Variants in GTF2I observed in about 807,000 individuals in gnomAD.
GTF2I encodes general transcription factor IIi.
In GTF2I, 12 loss-of-function variants were observed where a neutral mutation model predicts 67.6. The observed-to-expected ratio is 0.18, with a 90% CI of 0.11 to 0.29. The LOEUF is 0.29. Among genes scored for constraint, GTF2I ranks in the 10% least tolerant of loss-of-function variants. The pLI, the probability that GTF2I is intolerant of heterozygous loss-of-function variation, is 1.00. For missense variants in GTF2I, 271 were observed against 580.1 expected (o/e 0.47, Z 5.47); for synonymous variants, 149 against 197.0 (o/e 0.76, Z 2.04).
intron 9 of GTF2I, among the ~76,000 whole-genome samples, chr7:74,713,398 G>A (rs1373419123): frequency 2.0e-5 from 3 of 151,810 alleles, no homozygotes; most frequent in East Asian, 1.9e-4. Context: ...AATGATATAC[G>A]TCTAGCTGAT....
At chr7:74,660,613 TTTC>T (rs1804392227) in intron 1 of GTF2I, among the ~76,000 whole-genome samples, 1 of 124,406 alleles carries the variant, frequency 8.0e-6, no homozygotes, top group Non-Finnish European at 1.7e-5. Context: ...TCCTTTTTCT[TTTC>T]TTTTCTTTTT....
chr7:74,729,265 G>T (rs1794215793), intron 13 of GTF2I, among the ~76,000 whole-genome samples: 1 of 53,960 alleles, frequency 1.9e-5, no homozygotes, highest in Admixed American at 2.2e-4. Context: ...GCTAATCTGT[G>T]AGCTCTCAAT....
chr7:74,708,920 C>T (rs1453686908), intron 8 of GTF2I, among the ~76,000 whole-genome samples: 3 of 152,362 alleles, frequency 2.0e-5, no homozygotes, highest in Admixed American at 6.5e-5. Context: ...TTTTTACTCT[C>T]TCCTCAAAAT....
At chr7:74,669,224 G>GTTTTTTTTTTTTTTTTTTTTTTT (rs34714148) in intron 1 of GTF2I, among the ~76,000 whole-genome samples, 2 of 75,452 alleles carry the variant, frequency 2.7e-5, no homozygotes, top group African/African-American at 5.7e-5. Flanking sequence ...GACTAGTTTA[G>GTTTTTTTTTTTTTTTTTTTTTTT]TTTTTTTTTT....
chr7:74,662,511 CTTTTTTTTT>C (rs1161320476), intron 1 of GTF2I, among the ~76,000 whole-genome samples: 20 of 50,220 alleles, frequency 4.0e-4, no homozygotes, highest in East Asian at 1.5e-3. Context: ...CACCTGGACC[CTTTTTTTTT>C]TTTTTTTTTT....
intron 6 of GTF2I, 82 bp downstream of exon 6, chr7:74,700,716 A>G (rs1175978649): frequency 7.8e-7 from 1 of 1,286,222 alleles, no homozygotes; most frequent in African/African-American, 1.5e-5. Context: ...TTTCTGTTTT[A>G]TTGTCTTTGA....
At chr7:74,666,649 T>C (rs1473725683) in intron 1 of GTF2I, among the ~76,000 whole-genome samples, 1 of 151,820 alleles carries the variant, frequency 6.6e-6, no homozygotes, top group Admixed American at 6.6e-5. Flanking sequence ...CTGGCCAACA[T>C]GGTGAAACCC....
rs587654498 is a variant in GTF2I at position 74,700,176 on chromosome 7, A to G, written c.374-71A>G. 35 of 1,515,496 alleles carry G rather than the reference A, an allele frequency of 2.3e-5. 1 individual carries two copies. Among genetic ancestry groups the G allele is most frequent in the South Asian group, 2.0e-4 (17 of 86,012 alleles). The allele number at this position is 1,515,496 out of a possible 1,614,324, so 93.9% of individuals were successfully genotyped here. A position where few individuals can be genotyped will look rare whatever the true frequency, so the allele number is the denominator to read the frequency against. ...TCATGGATGCCCTTATTAAGCCACA[A>G]TAAGCTAGCGATGATTTCATTTTGT... On this transcript the variant is annotated intron_variant, in intron 4 of 34. Coordinates refer to ENST00000573035, the MANE Select transcript of GTF2I (RefSeq NM_032999.4).
At chr7:74,702,260 G>A (rs587655512) in intron 6 of GTF2I, among the ~76,000 whole-genome samples, 162 of 150,040 alleles carry the variant, frequency 1.1e-3, no homozygotes, top group African/African-American at 3.8e-3. Context: ...ACGGAGTCTC[G>A]TTCTGTCACC....
At position 74,730,713 on chromosome 7, in the gene GTF2I, CTTTTTTTTTT is replaced by C. The variant is rs869183139; in HGVS notation, c.1120+437_1120+446del. Among the ~76,000 whole-genome samples the C allele has an allele frequency of 1.6e-4, 10 of 63,918 alleles. 1 individual carries two copies. The South Asian group carries it at 3.6e-3, about 23-fold the overall frequency. 41.9% of individuals were successfully genotyped at this position (63,918 alleles called of 152,430 possible). A position where few individuals can be genotyped will look rare whatever the true frequency, so the allele number is the denominator to read the frequency against. On this transcript the variant is annotated intron_variant, in intron 14 of 34. Transcript: ENST00000573035. ...ATCCCCCTATTGTCTCTACTTTTAT[CTTTTTTTTTT>C]TTTTTTTTTTTTTTTTTGAGACGGA...
At chr7:74,737,141 C>T (rs1483733707) in intron 18 of GTF2I, among the ~76,000 whole-genome samples, 1 of 147,644 alleles carries the variant, frequency 6.8e-6, no homozygotes, top group East Asian at 2.0e-4. Context: ...TGCAGTGAGC[C>T]GAGATCGTGC....
At chr7:74,661,139 G>A (rs746918787) in intron 1 of GTF2I, among the ~76,000 whole-genome samples, 2 of 152,138 alleles carry the variant, frequency 1.3e-5, no homozygotes, top group African/African-American at 2.4e-5. Context: ...CCCCTAAGCC[G>A]AGGTTGTGAA....
At chr7:74,669,373 C>T (rs782261883) in intron 1 of GTF2I, among the ~76,000 whole-genome samples, 5 of 151,034 alleles carry the variant, frequency 3.3e-5, no homozygotes, top group African/African-American at 9.7e-5. Context: ...GGATTACAGG[C>T]GTGCACCACA....
intron 1 of GTF2I, among the ~76,000 whole-genome samples, chr7:74,671,181 G>C (rs900747396): frequency 6.7e-6 from 1 of 149,686 alleles, no homozygotes; most frequent in Non-Finnish European, 1.5e-5. Context: ...CAGCCTCCTA[G>C]GTTCAAGTGA....
chr7:74,722,784 G>T (rs1331018169), intron 12 of GTF2I: 2 of 152,102 alleles, frequency 1.3e-5, no homozygotes, highest in Admixed American at 6.5e-5. Context: ...GGTTTTTTAG[G>T]ATCTCTGTAA....
In GTF2I at chr7:74,716,870, A is replaced by G. The variant is rs782213389; in HGVS notation, c.824-24A>G. On this transcript the variant is annotated intron_variant, in intron 10 of 34. Transcript: ENST00000573035. Reference sequence around the variant, plus strand: ...CAATGTCAGTTTTTATTGGTTTATTATATGTTGTTTATTTTCTTTTTAGGA... The same window carrying G: ...CAATGTCAGTTTTTATTGGTTTATTGTATGTTGTTTATTTTCTTTTTAGGA... 12 of 1,530,428 alleles carry G rather than the reference A, an allele frequency of 7.8e-6. No individual in the cohort carries two copies. The Admixed American group carries it at 1.8e-4, about 24-fold the overall frequency. 94.8% of individuals were successfully genotyped at this position (1,530,428 alleles called of 1,614,324 possible).
intron 1 of GTF2I, among the ~76,000 whole-genome samples, chr7:74,676,584 G>GA (rs1253359306): frequency 6.6e-6 from 1 of 151,336 alleles, no homozygotes; most frequent in Non-Finnish European, 1.5e-5. Context: ...CACATGTCTA[G>GA]AAAAAAAAAT....
chr7:74,703,529 G>A (rs1584203075), intron 6 of GTF2I, among the ~76,000 whole-genome samples: 2 of 152,122 alleles, frequency 1.3e-5, no homozygotes, highest in South Asian at 2.1e-4. Context: ...ACAGGTGCCC[G>A]CCACCATGCC....
intron 12 of GTF2I, among the ~76,000 whole-genome samples, chr7:74,724,419 G>A (rs181184829): frequency 3.3e-5 from 5 of 152,040 alleles, no homozygotes; most frequent in African/African-American, 9.7e-5. Flanking sequence ...TTGATTCACC[G>A]GCCAGAATGC....
Sources: gnomAD v4.1 joint callset for allele counts (sites outside exome capture counted in the v4.1 genomes callset) on GRCh38, gnomAD v4.1.1 for gene constraint, MANE v1.5 for transcripts, NCBI Gene and HGNC (gene_info 2026-07-23, HGNC 2026-07-21) for gene names.